Variants in CNOT1 observed in about 807,000 individuals in gnomAD.
The protein encoded by CNOT1 is CCR4-NOT transcription complex subunit 1.
Under a neutral mutation model 273.8 loss-of-function variants are expected in CNOT1, and 15 were observed. The ratio of observed to expected loss-of-function variants is 0.05; its 90% CI spans 0.04 to 0.08. The LOEUF (loss-of-function observed/expected upper bound fraction) is 0.08, where lower values mean the gene tolerates loss of function less well. CNOT1 is among the 10% of genes least tolerant of loss of function. The probability of loss-of-function intolerance (pLI) is 1.00; values close to 1 mark genes in which losing one functional copy is unlikely to be tolerated. For synonymous variants in CNOT1, 1,022 were observed against 1,005.5 expected (o/e 1.02, Z -0.31); for missense variants, 1,644 against 2,912.2 (o/e 0.56, Z 10.02).
At chr16:58,552,788 C>T (rs983609861) in intron 22 of CNOT1, among the ~76,000 whole-genome samples, 2 of 152,008 alleles carry the variant, frequency 1.3e-5, no homozygotes, top group Non-Finnish European at 2.9e-5. Flanking sequence ...GTCAATTAAC[C>T]AACTTTCCTG....
At chr16:58,626,647 C>G (rs893032173) in intron 1 of CNOT1, among the ~76,000 whole-genome samples, 3 of 151,624 alleles carry the variant, frequency 2.0e-5, no homozygotes, top group Admixed American at 1.3e-4. Flanking sequence ...GTAATCCCAG[C>G]TACTTGGGAG....
At chr16:58,571,761 T>G (rs1313939956) in intron 16 of CNOT1, among the ~76,000 whole-genome samples, 1 of 152,102 alleles carries the variant, frequency 6.6e-6, no homozygotes, top group Non-Finnish European at 1.5e-5. Context: ...GTGGATCACT[T>G]GAGGTCAGGA....
chr16:58,607,730 AAAAAAAAAG>A (rs1223435730), intron 1 of CNOT1, among the ~76,000 whole-genome samples: 1 of 143,572 alleles, frequency 7.0e-6, no homozygotes, highest in Non-Finnish European at 1.5e-5. Flanking sequence ...TCAAAAAAAA[AAAAAAAAAG>A]AAAGAAAGAA....
At chr16:58,606,803 C>CA (rs1555501806) in intron 1 of CNOT1, among the ~76,000 whole-genome samples, 9 of 139,150 alleles carry the variant, frequency 6.5e-5, no homozygotes, top group South Asian at 4.5e-4. Flanking sequence ...GACACCGTAT[C>CA]AAAAAAAAAG....
intron 1 of CNOT1, among the ~76,000 whole-genome samples, chr16:58,604,873 A>T (rs1415990402): frequency 6.7e-6 from 1 of 149,952 alleles, no homozygotes; most frequent in Non-Finnish European, 1.5e-5. Context: ...GTGGTGGCTC[A>T]TGCCTGTAAT....
intron 2 of CNOT1, among the ~76,000 whole-genome samples, chr16:58,595,677 T>C (rs566206904): frequency 2.2e-4 from 33 of 152,174 alleles, no homozygotes; most frequent in African/African-American, 7.7e-4. Flanking sequence ...GGAAGGGAAA[T>C]GAGGACTAGT....
chr16:58,537,770 C>CG (rs2039969384), intron 38 of CNOT1, 121 bp downstream of exon 38: 2 of 1,312,288 alleles, frequency 1.5e-6, no homozygotes, highest in East Asian at 2.5e-5. Context: ...CCAAAGCTAC[C>CG]CACCCATATG....
chr16:58,542,359 G>A (rs780359320), intron 32 of CNOT1, 24 bp from the exon 33 acceptor site: 3 of 1,613,782 alleles, frequency 1.9e-6, no homozygotes, highest in South Asian at 2.2e-5. Flanking sequence ...AAGTCACTGA[G>A]GTTCTTGTTA....
intron 42 of CNOT1, among the ~76,000 whole-genome samples, chr16:58,530,999 T>C (rs1426848155): frequency 1.3e-5 from 2 of 152,204 alleles, no homozygotes; most frequent in Non-Finnish European, 2.9e-5. Flanking sequence ...AACTGACAAC[T>C]AGAAATGTGT....
chr16:58,607,800 A>G (rs2042742077), intron 1 of CNOT1, among the ~76,000 whole-genome samples: 1 of 151,976 alleles, frequency 6.6e-6, no homozygotes, highest in African/African-American at 2.4e-5. Context: ...GATAGAAGTC[A>G]GAACAAAAAT....
Position 58,549,735 on chromosome 16 carries a change from G to A in CNOT1, c.3506C>T (p.Thr1169Ile). ...AACTCTTACTTTAATGTTTCTGTAG[G>A]TCTCATTCAGAACCATCTTGTTAAA... ...PEFNKMVLNE[T>I]YRNIKVLLTS... Residue 1169 changes from threonine (T) to isoleucine (I), a missense_variant, in exon 25 of 49, where the codon ACC (threonine) becomes ATC (isoleucine). By Grantham distance (89) the Thr-to-Ile change is moderately conservative. Around this residue, in one of 13 missense-constraint regions of CNOT1, gnomAD observed 124 missense variants for 289.3 expected, o/e 0.43. Transcript: ENST00000317147. 2 of 1,607,692 alleles carry A rather than the reference G, an allele frequency of 1.2e-6. No homozygotes were observed. The highest frequency in any genetic ancestry group is 1.7e-6 in the Non-Finnish European group (2 of 1,178,574).
chr16:58,530,080 G>C (rs989650575), intron 43 of CNOT1, among the ~76,000 whole-genome samples, 166 bp downstream of exon 43: 8 of 151,980 alleles, frequency 5.3e-5, no homozygotes, highest in Admixed American at 3.9e-4. Context: ...TACAAACACT[G>C]TACAATTTGG....
At position 58,540,081 on chromosome 16, in the gene CNOT1, A is replaced by T. The variant is rs960295132; in HGVS notation, c.4801-122T>A. On this transcript the variant is annotated intron_variant, in intron 34 of 48. Coordinates refer to ENST00000317147, the MANE Select transcript of CNOT1 (RefSeq NM_016284.5). ...CCCTTTTTCTTATTTTTACATTCAA[A>T]CATGGAGGGCCTCTTCTTTTCCTTC... 5.4e-5 allele frequency: 52 copies of T among 961,402 alleles called. No individual in the cohort carries two copies. In the East Asian group the frequency reaches 1.4e-3, roughly 25 times the overall value. The allele number at this position is 961,402 out of a possible 1,614,324, so 59.6% of individuals were successfully genotyped here.
rs2039951718 is a variant in CNOT1, at chr16:58,537,200, A to G, written c.5435T>C (p.Val1812Ala). 5 of 1,606,008 alleles carry G rather than the reference A, an allele frequency of 3.1e-6. No individual in the cohort carries two copies. The highest frequency in any genetic ancestry group is 1.3e-5 in the African/African-American group (1 of 74,694). Residue 1812 changes from valine (V) to alanine (A), a missense_variant, in exon 39 of 49, where the codon GTA becomes GCA. Coordinates refer to ENST00000317147, the MANE Select transcript of CNOT1 (RefSeq NM_016284.5). ...APEGLPQLME[V>A]VRSNYEAMID... ...CATTGCTTCATAGTTGGATCGCACT[A>G]CTTCCATCAGCTGGGGCAATCTAGC...
At position 58,601,754 on chromosome 16, in the gene CNOT1, A is replaced by C. The variant is rs948175783; in HGVS notation, c.-174-2243T>G. Reference sequence around the variant, plus strand: ...CACCTTAAAAAAAAAAAAAAAAAAAAGCCTGTGCACGGTGGCAAACACCTG... The same window carrying C: ...CACCTTAAAAAAAAAAAAAAAAAAACGCCTGTGCACGGTGGCAAACACCTG... On this transcript the variant is annotated intron_variant, in intron 1 of 48. Transcript: ENST00000317147. 1.1e-4 allele frequency among the ~76,000 whole-genome samples: 14 copies of C among 133,038 alleles called. No homozygotes were observed. The East Asian group carries it at 2.4e-3, about 23-fold the overall frequency. The allele number at this position is 133,038 out of a possible 152,430, so 87.3% of individuals were successfully genotyped here. A position where few individuals can be genotyped will look rare whatever the true frequency, so the allele number is the denominator to read the frequency against.
Position 58,554,207 on chromosome 16 carries a change from T to TAA in CNOT1, c.2892-349_2892-348dup, listed in dbSNP as rs553508124. On this transcript the variant is annotated intron_variant, in intron 21 of 48. Coordinates refer to ENST00000317147, the MANE Select transcript of CNOT1 (RefSeq NM_016284.5). ...CATATAGTAGAATACTACACAGCTG[T>TAA]AAAAAAAAAAACAGACTACTGAAAC... is the stretch of plus-strand genomic sequence containing the variant. Among the ~76,000 whole-genome samples, 240 of 145,346 alleles carry TAA rather than the reference T, an allele frequency of 1.7e-3. 1 individual carries two copies. The highest frequency in any genetic ancestry group is 4.4e-3 in the African/African-American group (179 of 40,234).
chr16:58,537,214 G>A lies in CNOT1; in HGVS notation c.5421C>T (p.Pro1807=). 1.9e-6 allele frequency: 3 copies of A among 1,598,366 alleles called. No individual in the cohort carries two copies. The highest frequency in any genetic ancestry group is 2.6e-6 in the Non-Finnish European group (3 of 1,170,816). Reference sequence around the variant, plus strand: ...TGGATCGCACTACTTCCATCAGCTGGGGCAATCTAGCACAATAAATAAAGG... The same window carrying A: ...TGGATCGCACTACTTCCATCAGCTGAGGCAATCTAGCACAATAAATAAAGG... ...HSRGNAPEGL[P]QLMEVVRSNY... The change falls in exon 39 of 49, where the codon CCC becomes CCT. Residue 1807 remains proline (P), a synonymous_variant. Coordinates refer to ENST00000317147, the MANE Select transcript of CNOT1 (RefSeq NM_016284.5).
chr16:58,564,931 C>G (rs545333305), intron 16 of CNOT1, among the ~76,000 whole-genome samples: 9 of 151,850 alleles, frequency 5.9e-5, no homozygotes, highest in African/African-American at 2.2e-4. Context: ...AGAAAAACTC[C>G]GTCTCAAAAA....
Position 58,547,574 on chromosome 16 carries a change from A to G in CNOT1, c.3631T>C (p.Leu1211=), listed in dbSNP as rs2040300791. 1 of 1,612,956 alleles carries G rather than the reference A, an allele frequency of 6.2e-7. No homozygotes were observed. The highest frequency in any genetic ancestry group is 1.3e-5 in the African/African-American group (1 of 75,034). ...ATTTAGATGAAACTCACAGTGTGTA[A>G]GATGGGTTTGTTTTTAGCTAATGTG... ...MITLAKNKPI[L]HTDLDVKSLL... The change falls in exon 26 of 49, where the codon TTA becomes CTA. Residue 1211 remains leucine (L), a synonymous_variant. Transcript: ENST00000317147. This position sits in a 1 kb window ranked among gnomAD's most constrained non-coding sequence, Gnocchi z 4.0.
Sources: allele counts gnomAD v4.1 joint callset (sites outside exome capture counted in the v4.1 genomes callset), GRCh38; gene constraint gnomAD v4.1.1; regional missense constraint gnomAD v4.1.1; non-coding constraint Gnocchi (gnomAD v3.1); transcripts MANE v1.5; gene names NCBI Gene and HGNC (gene_info 2026-07-23, HGNC 2026-07-21).